CDH12: variants seen among roughly 807,000 people sequenced by gnomAD.
CDH12 encodes the protein cadherin-12.
CDH12 carries 41 observed loss-of-function variants against 74.1 expected under a neutral mutation model. The ratio of observed to expected loss-of-function variants is 0.55; its 90% confidence interval spans 0.43 to 0.72. The LOEUF is 0.72. Ranked by LOEUF, CDH12 falls within the 30% of genes least tolerant of loss-of-function variation. CDH12 has a pLI of 0.00. For synonymous variants in CDH12, 399 were observed against 355.0 expected, an observed-to-expected ratio of 1.12 and a Z score of -1.39; for missense variants, 945 against 977.2, an observed-to-expected ratio of 0.97 and a Z score of 0.44.
chr5:22,185,819 A>T (rs919327889), intron 4 of CDH12, among the ~76,000 whole-genome samples: 5 of 152,230 alleles, frequency 3.3e-5, no homozygotes, highest in African/African-American at 1.2e-4. Flanking sequence ...CCACAAAAAA[A>T]GATTTATATC....
intron 1 of CDH12, among the ~76,000 whole-genome samples, chr5:22,845,395 T>C (rs1737255145): frequency 6.6e-6 from 1 of 152,168 alleles, no homozygotes; most frequent in Non-Finnish European, 1.5e-5. Context: ...TATTATGATG[T>C]AAATTGCTCA....
intron 3 of CDH12, among the ~76,000 whole-genome samples, chr5:22,307,758 C>A (rs984835372): frequency 6.6e-6 from 1 of 151,870 alleles, no homozygotes; most frequent in Non-Finnish European, 1.5e-5. Flanking sequence ...GCTATCCCAA[C>A]CCTAGTAACT....
At chr5:22,770,002 G>A (rs570146312) in intron 1 of CDH12, among the ~76,000 whole-genome samples, 1 of 151,434 alleles carries the variant, frequency 6.6e-6, no homozygotes, top group Admixed American at 6.6e-5. Context: ...TTTACAATAT[G>A]GTTCATATAA....
At chr5:22,405,903 T>C (rs1299173799) in intron 2 of CDH12, among the ~76,000 whole-genome samples, 3 of 152,188 alleles carry the variant, frequency 2.0e-5, no homozygotes, top group Admixed American at 2.0e-4. Flanking sequence ...TCCCATATAC[T>C]TTAAATCATC....
chr5:22,747,061 A>C (rs2127027606), intron 1 of CDH12, among the ~76,000 whole-genome samples: 1 of 152,274 alleles, frequency 6.6e-6, no homozygotes, highest in Admixed American at 6.5e-5. Flanking sequence ...TTGATGTCCT[A>C]GTTCATTTCC....
chr5:21,864,449 C>G (rs1218220463), intron 6 of CDH12, among the ~76,000 whole-genome samples: 1 of 152,130 alleles, frequency 6.6e-6, no homozygotes, highest in African/African-American at 2.4e-5. Flanking sequence ...TGTACGTTCT[C>G]TCTTGCCCTT....
At chr5:22,333,026 T>C (rs1739413242) in intron 3 of CDH12, among the ~76,000 whole-genome samples, 1 of 152,142 alleles carries the variant, frequency 6.6e-6, no homozygotes, top group Admixed American at 6.5e-5. Flanking sequence ...CATATGTTTA[T>C]TGCAGCACTA....
chr5:22,321,649 AAAAT>A (rs1474269335), intron 3 of CDH12, among the ~76,000 whole-genome samples: 1 of 152,128 alleles, frequency 6.6e-6, no homozygotes, highest in Non-Finnish European at 1.5e-5. Flanking sequence ...TATAATAAAA[AAAAT>A]AAATTAAAAA....
chr5:22,361,323 A>T (rs2150474372), intron 3 of CDH12, among the ~76,000 whole-genome samples: 1 of 152,318 alleles, frequency 6.6e-6, no homozygotes, highest in East Asian at 1.9e-4. Context: ...GTGAACTCCC[A>T]TTCACAATTG....
At chr5:22,545,319 T>C (rs918965730) in intron 1 of CDH12, among the ~76,000 whole-genome samples, 1 of 152,218 alleles carries the variant, frequency 6.6e-6, no homozygotes, top group Non-Finnish European at 1.5e-5. Context: ...AGCAATAGCA[T>C]TTAAATGAGG....
chr5:22,563,115 G>A (rs1333912204), intron 1 of CDH12, among the ~76,000 whole-genome samples: 2 of 148,766 alleles, frequency 1.3e-5, no homozygotes, highest in East Asian at 1.9e-4. Context: ...CAAATAATAG[G>A]AGGAAAACCT....
intron 1 of CDH12, among the ~76,000 whole-genome samples, chr5:22,629,375 G>C (rs996334898): frequency 6.6e-6 from 1 of 151,880 alleles, no homozygotes; most frequent in South Asian, 2.1e-4. Flanking sequence ...CAAAATACTA[G>C]CAAACTGAAT....
At chr5:22,338,501 C>T (rs1314677392) in intron 3 of CDH12, among the ~76,000 whole-genome samples, 1 of 151,808 alleles carries the variant, frequency 6.6e-6, no homozygotes, top group Non-Finnish European at 1.5e-5. Context: ...TAAATAAGAC[C>T]TAATATTTGA....
At chr5:22,754,561 A>G (rs1465328049) in intron 1 of CDH12, among the ~76,000 whole-genome samples, 2 of 69,976 alleles carry the variant, frequency 2.9e-5, no homozygotes, top group Non-Finnish European at 6.4e-5. Flanking sequence ...AAGGAAGTGG[A>G]AAGCAGACAA....
chr5:22,492,064 A>G (rs577373241), intron 2 of CDH12, among the ~76,000 whole-genome samples: 1 of 152,230 alleles, frequency 6.6e-6, no homozygotes, highest in Non-Finnish European at 1.5e-5. Flanking sequence ...ACGTTAGCAT[A>G]TGAATTTTGA....
chr5:22,153,903 TACACACAC>T (rs773341844), intron 4 of CDH12, among the ~76,000 whole-genome samples: 7 of 111,132 alleles, frequency 6.3e-5, no homozygotes, highest in Non-Finnish European at 9.4e-5. Context: ...TATATATATA[TACACACAC>T]ATACACACAC....
At chr5:22,770,626 A>G (rs930774513) in intron 1 of CDH12, among the ~76,000 whole-genome samples, 1 of 152,160 alleles carries the variant, frequency 6.6e-6, no homozygotes. Context: ...CTTCCAAAAC[A>G]TATACCTATG....
intron 1 of CDH12, among the ~76,000 whole-genome samples, chr5:22,605,934 G>A (rs1439587351): frequency 2.6e-5 from 4 of 152,316 alleles, no homozygotes; most frequent in South Asian, 2.1e-4. Flanking sequence ...AGGCTGACCT[G>A]CAAGAGCAGC....
At chr5:22,557,062 G>C (rs946422667) in intron 1 of CDH12, among the ~76,000 whole-genome samples, 1 of 151,948 alleles carries the variant, frequency 6.6e-6, no homozygotes, top group Admixed American at 6.6e-5. Flanking sequence ...TTTTGTTCCA[G>C]GCTAGTTAAG....
Sources: allele counts gnomAD v4.1 joint callset (sites outside exome capture counted in the v4.1 genomes callset), GRCh38; gene constraint gnomAD v4.1.1; transcripts MANE v1.5; gene names NCBI Gene and HGNC (gene_info 2026-07-23, HGNC 2026-07-21).